The following ABCA13 variants were observed in gnomAD, a reference collection of about 807,000 sequenced individuals.
The protein encoded by ABCA13 is ATP-binding cassette sub-family A member 13.
Under a neutral mutation model 478.7 loss-of-function variants are expected in ABCA13, and 476 were observed. The ratio of observed to expected loss-of-function variants is 0.99; its 90% CI spans 0.92 to 1.07. The LOEUF (loss-of-function observed/expected upper bound fraction) is 1.07. Among genes scored for constraint, ABCA13 ranks in the 50% least tolerant of loss-of-function variants. The pLI, the probability that ABCA13 is intolerant of heterozygous loss-of-function variation, is 0.00. For missense variants in ABCA13, 6,060 were observed against 5,910.6 expected, an observed-to-expected ratio of 1.03 and a Z score of -0.83; for synonymous variants, 2,252 against 2,158.9, an observed-to-expected ratio of 1.04 and a Z score of -1.20.
chr7:48,376,541 G>A lies in ABCA13; in HGVS notation c.11304G>A (p.Leu3768=), dbSNP rs200321726. 1.1e-5 allele frequency: 18 copies of A among 1,613,830 alleles called. No homozygotes were observed. The Admixed American group carries it at 2.5e-4, about 22-fold the overall frequency. ...MILFDSSLYF[L]CGWYLSNLIP... is the part of the protein sequence containing the mutation. ...TTTTTGATTCAAGCCTTTATTTTTT[G>A]TGTGGATGGTACTTGAGCAACTTGA... The change falls in exon 35 of 62, where the codon TTG becomes TTA. Residue 3768 remains leucine, a synonymous_variant. Transcript: ENST00000435803.
chr7:48,173,887 T>C (rs1352509019), intron 1 of ABCA13, among the ~76,000 whole-genome samples: 1 of 152,186 alleles, frequency 6.6e-6, no homozygotes, highest in Non-Finnish European at 1.5e-5. Context: ...TTGGTAGAAA[T>C]GGGTGGCCTC....
intron 41 of ABCA13, among the ~76,000 whole-genome samples, chr7:48,425,061 A>G (rs959175657): frequency 6.6e-6 from 1 of 152,176 alleles, no homozygotes; most frequent in African/African-American, 2.4e-5. Context: ...GTACCCAGAT[A>G]CTTAGTGCCG....
chr7:48,514,958 A>G (rs977812726), intron 51 of ABCA13, among the ~76,000 whole-genome samples: 4 of 152,166 alleles, frequency 2.6e-5, no homozygotes, highest in African/African-American at 9.7e-5. Context: ...ATATGATTTT[A>G]TATATCATAT....
At chr7:48,476,679 G>A (rs993459039) in intron 45 of ABCA13, among the ~76,000 whole-genome samples, 3 of 152,118 alleles carry the variant, frequency 2.0e-5, no homozygotes, top group Admixed American at 6.5e-5. Flanking sequence ...GTCTTCAGCC[G>A]GGAATGGGTT....
intron 57 of ABCA13, among the ~76,000 whole-genome samples, chr7:48,588,249 C>T (rs1490836760): frequency 6.6e-6 from 1 of 152,118 alleles, no homozygotes; most frequent in African/African-American, 2.4e-5. Flanking sequence ...GTTTCATATT[C>T]CAGAATCTGA....
At chr7:48,382,305 T>G (rs1400701983) in intron 35 of ABCA13, among the ~76,000 whole-genome samples, 1 of 152,182 alleles carries the variant, frequency 6.6e-6, no homozygotes, top group Non-Finnish European at 1.5e-5. Flanking sequence ...ATAGACCATG[T>G]CCCTCCCCTG....
intron 53 of ABCA13, among the ~76,000 whole-genome samples, chr7:48,521,290 A>T (rs951238656): frequency 2.6e-5 from 4 of 152,048 alleles, no homozygotes; most frequent in African/African-American, 9.7e-5. Flanking sequence ...TGAGGGAGGG[A>T]TCCTTTTTGG....
chr7:48,279,293 C>A lies in ABCA13; in HGVS notation c.8099C>A (p.Ser2700Tyr). 1 of 1,588,784 alleles carries A rather than the reference C, an allele frequency of 6.3e-7. No homozygotes were observed. The highest frequency in any genetic ancestry group is 2.3e-5 in the East Asian group (1 of 44,244). ...QMDFLYPNPI[S>Y]THSGPQDIKW... ...GACTTCTTATACCCTAATCCAATTT[C>A]CACTCATAGTGGCCCTCAAGATATA... is the stretch of plus-strand genomic sequence containing the variant. Residue 2700 changes from serine (S) to tyrosine (Y), a missense_variant, in exon 18 of 62, where the codon TCC becomes TAC. Ser to Tyr is a moderately radical substitution (Grantham distance 144). Around this residue, in one of 3 missense-constraint regions of ABCA13, gnomAD observed 4,423 missense variants for 4,309.1 expected, o/e 1.03. Coordinates refer to ENST00000435803, the MANE Select transcript of ABCA13 (RefSeq NM_152701.5).
intron 27 of ABCA13, among the ~76,000 whole-genome samples, chr7:48,332,627 C>T (rs543173309): frequency 1.2e-4 from 19 of 152,122 alleles, no homozygotes; most frequent in African/African-American, 4.1e-4. Context: ...TCCAAGATTC[C>T]GTTTCATATT....
intron 15 of ABCA13, 95 bp downstream of exon 15, chr7:48,249,446 G>C: frequency 1.3e-6 from 2 of 1,526,706 alleles, no homozygotes; most frequent in Non-Finnish European, 1.8e-6. Context: ...TTAACAAAGC[G>C]GGGCTTAAAA....
In ABCA13 at chr7:48,335,460, T is replaced by C; in HGVS notation, c.10038T>C (p.Thr3346=). The C allele has an allele frequency of 6.2e-7, 1 of 1,613,320 alleles. No homozygotes were observed. The highest frequency in any genetic ancestry group is 1.1e-5 in the South Asian group (1 of 90,976). The part of the protein sequence containing the change: ...YTFYIVDKLK[T]LSETLLEMSS... ...TTTATATTGTGGACAAACTAAAAAC[T>C]TTATCAGAAACACTGCTGGAAATGT... Residue 3346 remains threonine (T), a synonymous_variant, in exon 28 of 62, where the codon ACT becomes ACC. Coordinates refer to ENST00000435803, the MANE Select transcript of ABCA13 (RefSeq NM_152701.5).
In ABCA13 at chr7:48,644,727, T is replaced by C. The variant is rs1795326377; in HGVS notation, c.15054T>C (p.Tyr5018=). The C allele has an allele frequency of 6.2e-7, 1 of 1,606,150 alleles. No individual in the cohort carries two copies. Among genetic ancestry groups the C allele is most frequent in the African/African-American group, 1.3e-5 (1 of 74,468 alleles). Residue 5018 remains tyrosine (Y), a synonymous_variant, in exon 61 of 62, where the codon TAT becomes TAC. Coordinates refer to ENST00000435803, the MANE Select transcript of ABCA13 (RefSeq NM_152701.5). ...AAACCTTCTTGAATATTAAGCATTA[T>C]TCCATTAACCAAACCACTTTGGAGC... is the stretch of plus-strand genomic sequence containing the variant. ...NNKTFLNIKH[Y]SINQTTLEQV... is the part of the protein sequence containing the mutation.
chr7:48,244,745 G>A, intron 11 of ABCA13, 42 bp downstream of exon 11: 1 of 1,536,840 alleles, frequency 6.5e-7, no homozygotes, highest in South Asian at 1.2e-5. Flanking sequence ...CTCACTAAGA[G>A]TAAATGTGAA....
At chr7:48,174,662 A>G (rs987301918) in intron 1 of ABCA13, among the ~76,000 whole-genome samples, 2 of 152,134 alleles carry the variant, frequency 1.3e-5, no homozygotes, top group Admixed American at 6.5e-5. Context: ...ACTAAAACAA[A>G]AGATAAACAT....
intron 32 of ABCA13, among the ~76,000 whole-genome samples, chr7:48,369,345 T>C (rs902501154): frequency 2.0e-5 from 3 of 152,210 alleles, no homozygotes; most frequent in African/African-American, 7.2e-5. Context: ...GGGTTGTCCA[T>C]TTACTCTGCT....
chr7:48,250,151 G>A (rs947251380), intron 15 of ABCA13, among the ~76,000 whole-genome samples: 3 of 152,162 alleles, frequency 2.0e-5, no homozygotes, highest in African/African-American at 7.2e-5. Flanking sequence ...AGGAACAGTA[G>A]ATGGAAGAAA....
intron 5 of ABCA13, among the ~76,000 whole-genome samples, chr7:48,223,976 A>AAG (rs536905832): frequency 0.02 from 2,532 of 129,782 alleles, 32 homozygotes; most frequent in Middle Eastern, 0.037. Context: ...AAAAAAAAAA[A>AAG]AGAGAGAGAG....
intron 59 of ABCA13, among the ~76,000 whole-genome samples, chr7:48,642,029 C>T (rs1247045780): frequency 6.6e-6 from 1 of 152,162 alleles, no homozygotes; most frequent in Non-Finnish European, 1.5e-5. Flanking sequence ...TGTCCGTATG[C>T]TTTTATGTAT....
rs1443535225 is a variant in ABCA13 at position 48,641,651 on chromosome 7, C to T, written c.14838-1637C>T. ...TCATGCCATCAGAATCATTAATAAA[C>T]ATGAGACCAGAAACACATCTCCATG... On this transcript the variant is annotated intron_variant, in intron 59 of 61. Coordinates refer to ENST00000435803, the MANE Select transcript of ABCA13 (RefSeq NM_152701.5). Among the ~76,000 whole-genome samples the T allele has an allele frequency of 3.3e-5, 5 of 152,268 alleles. No homozygotes were observed. The East Asian group carries it at 9.7e-4, about 29-fold the overall frequency.
Sources: gnomAD v4.1 joint callset for allele counts (sites outside exome capture counted in the v4.1 genomes callset) on GRCh38, gnomAD v4.1.1 for gene constraint, gnomAD v4.1.1 regional missense constraint, MANE v1.5 for transcripts, NCBI Gene and HGNC (gene_info 2026-07-23, HGNC 2026-07-21) for gene names.